CNTNAP2: variants seen among roughly 807,000 people sequenced by gnomAD.
CNTNAP2 encodes the protein contactin associated protein 2.
In CNTNAP2, 98 loss-of-function variants were observed where a neutral mutation model predicts 155.2. The observed-to-expected ratio is 0.63, with a 90% CI of 0.54 to 0.75. The LOEUF (loss-of-function observed/expected upper bound fraction) is 0.75, where lower values mean the gene tolerates loss of function less well. CNTNAP2 is among the 30% of genes least tolerant of loss of function. The probability of loss-of-function intolerance (pLI) is 0.00; values close to 1 mark genes in which losing one functional copy is unlikely to be tolerated. For missense variants in CNTNAP2, 1,727 were observed against 1,688.1 expected (o/e 1.02, Z -0.40); for synonymous variants, 651 against 631.2 (o/e 1.03, Z -0.47).
intron 16 of CNTNAP2, among the ~76,000 whole-genome samples, chr7:148,140,510 AC>A (rs1349145267): frequency 7.1e-6 from 1 of 140,600 alleles, no homozygotes; most frequent in Non-Finnish European, 1.5e-5. Flanking sequence ...CACAACCTCC[AC>A]CTCCCAGGTT....
chr7:147,298,248 A>C (rs1168741782), intron 8 of CNTNAP2, among the ~76,000 whole-genome samples: 1 of 152,044 alleles, frequency 6.6e-6, no homozygotes. Context: ...GACATGGTGA[A>C]ACCATGTCTC....
chr7:147,465,628 G>A (rs766133911), intron 10 of CNTNAP2, among the ~76,000 whole-genome samples: 5 of 152,200 alleles, frequency 3.3e-5, no homozygotes, highest in East Asian at 1.9e-4. Context: ...TTCAGCAGAC[G>A]CTAATTCTTT....
intron 8 of CNTNAP2, among the ~76,000 whole-genome samples, chr7:147,229,409 G>T (rs1287267829): frequency 1.3e-5 from 2 of 152,158 alleles, no homozygotes; most frequent in Non-Finnish European, 2.9e-5. Flanking sequence ...ACTTGGTAAA[G>T]CTTTGTTATC....
chr7:147,450,739 T>C (rs1194455067), intron 10 of CNTNAP2, among the ~76,000 whole-genome samples: 1 of 152,238 alleles, frequency 6.6e-6, no homozygotes, highest in African/African-American at 2.4e-5. Context: ...TGCCAGTAAA[T>C]TAATAAGCCA....
At chr7:146,142,182 GA>G (rs1562965967) in intron 1 of CNTNAP2, among the ~76,000 whole-genome samples, 3 of 152,170 alleles carry the variant, frequency 2.0e-5, no homozygotes, top group African/African-American at 7.2e-5. Flanking sequence ...TAGATGATAA[GA>G]GGTCTGCATG....
intron 1 of CNTNAP2, among the ~76,000 whole-genome samples, chr7:146,762,665 C>T (rs759334145): frequency 1.3e-5 from 2 of 152,132 alleles, no homozygotes; most frequent in African/African-American, 4.8e-5. Context: ...CTAACAGAGA[C>T]ATGCCTGTGC....
intron 3 of CNTNAP2, among the ~76,000 whole-genome samples, chr7:146,852,511 A>G (rs1794898166): frequency 6.6e-6 from 1 of 152,162 alleles, no homozygotes; most frequent in Admixed American, 6.5e-5. Context: ...CTTAAAAATC[A>G]TGTCCTACTT....
chr7:147,561,883 T>C (rs1434373608), intron 11 of CNTNAP2, among the ~76,000 whole-genome samples: 1 of 152,238 alleles, frequency 6.6e-6, no homozygotes, highest in Non-Finnish European at 1.5e-5. Context: ...AAATTACATT[T>C]ATTTAAGGAT....
chr7:146,409,206 G>T (rs1795833692), intron 1 of CNTNAP2, among the ~76,000 whole-genome samples: 1 of 152,032 alleles, frequency 6.6e-6, no homozygotes, highest in African/African-American at 2.4e-5. Context: ...TTCTTCTCCA[G>T]AAAAATCAAT....
chr7:147,225,308 C>T (rs1803495572), intron 8 of CNTNAP2, among the ~76,000 whole-genome samples: 1 of 152,068 alleles, frequency 6.6e-6, no homozygotes, highest in Non-Finnish European at 1.5e-5. Flanking sequence ...TTTAGGGTTG[C>T]CGTTTGTTTT....
chr7:147,323,029 C>T (rs13311226), intron 9 of CNTNAP2, among the ~76,000 whole-genome samples: 1,355 of 28,128 alleles, frequency 0.048, 7 homozygotes, highest in African/African-American at 0.093. Flanking sequence ...AAAACCAGCT[C>T]CTGGATTCAT....
rs113915147 is a variant in CNTNAP2 at position 146,653,853 on chromosome 7, G to T, written c.98-120418G>T. Reference sequence around the variant, plus strand: ...GAAAGAAACAGAAGAAGAGAAGGAAGAAGCAAGGTAAGGTATTTGCTAGGA... The same window carrying T: ...GAAAGAAACAGAAGAAGAGAAGGAATAAGCAAGGTAAGGTATTTGCTAGGA... On this transcript the variant is annotated intron_variant, in intron 1 of 23. Coordinates refer to ENST00000361727, the MANE Select transcript of CNTNAP2 (RefSeq NM_014141.6). 6.5e-3 allele frequency among the ~76,000 whole-genome samples: 991 copies of T among 152,160 alleles called. 8 individuals carry two copies. The highest frequency in any genetic ancestry group is 0.022 in the African/African-American group (923 of 41,542).
At chr7:146,445,527 G>T (rs1796390459) in intron 1 of CNTNAP2, among the ~76,000 whole-genome samples, 1 of 152,046 alleles carries the variant, frequency 6.6e-6, no homozygotes, top group Admixed American at 6.6e-5. Flanking sequence ...CAGGATGGAG[G>T]GAAATTTTAA....
rs559721839 is a variant in CNTNAP2 at position 146,581,166 on chromosome 7, G to A, written c.98-193105G>A. 3.4e-4 allele frequency among the ~76,000 whole-genome samples: 51 copies of A among 152,172 alleles called. No individual in the cohort carries two copies. In the East Asian group the frequency reaches 8.7e-3, roughly 26 times the overall value. ...GGACCCAAGAATTGGTGGAAATCTAGACTCATCTTCAGAATGGTAAATTAT... is the reference window on the plus strand; with the variant it reads ...GGACCCAAGAATTGGTGGAAATCTAAACTCATCTTCAGAATGGTAAATTAT... On this transcript the variant is annotated intron_variant, in intron 1 of 23. Transcript: ENST00000361727.
intron 1 of CNTNAP2, among the ~76,000 whole-genome samples, chr7:146,552,931 C>A (rs940759536): frequency 2.6e-5 from 4 of 152,122 alleles, no homozygotes; most frequent in Non-Finnish European, 5.9e-5. Flanking sequence ...CCAGTAAAGG[C>A]TTACTTTGCC....
At chr7:147,113,401 C>T (rs1474121671) in intron 5 of CNTNAP2, among the ~76,000 whole-genome samples, 1 of 151,344 alleles carries the variant, frequency 6.6e-6, no homozygotes, top group Non-Finnish European at 1.5e-5. Flanking sequence ...GTATTAAATT[C>T]TCACACTGGT....
At chr7:148,201,715 T>G (rs1324869011) in intron 18 of CNTNAP2, among the ~76,000 whole-genome samples, 1 of 152,044 alleles carries the variant, frequency 6.6e-6, no homozygotes, top group Non-Finnish European at 1.5e-5. Context: ...GCAGGCAGCG[T>G]GCATTTTAAA....
At chr7:147,680,507 C>T (rs1183234506) in intron 13 of CNTNAP2, among the ~76,000 whole-genome samples, 1 of 151,850 alleles carries the variant, frequency 6.6e-6, no homozygotes, top group Non-Finnish European at 1.5e-5. Flanking sequence ...TATATTGGGG[C>T]CCCGGCTGTT....
chr7:147,147,861 A>G (rs1161780236), intron 8 of CNTNAP2, among the ~76,000 whole-genome samples: 1 of 152,180 alleles, frequency 6.6e-6, no homozygotes, highest in African/African-American at 2.4e-5. Context: ...AGATGAAAAA[A>G]TTATATAATG....
Sources: gnomAD v4.1 joint callset for allele counts (sites outside exome capture counted in the v4.1 genomes callset) on GRCh38, gnomAD v4.1.1 for gene constraint, MANE v1.5 for transcripts, NCBI Gene and HGNC (gene_info 2026-07-23, HGNC 2026-07-21) for gene names.